Variants in PRDM16 observed in about 807,000 individuals in gnomAD.
The protein encoded by PRDM16 is PR/SET domain 16, also known as histone-lysine N-methyltransferase PRDM16.
A neutral mutation model predicts 110.6 loss-of-function variants in PRDM16; 23 were observed. The ratio of observed to expected loss-of-function variants is 0.21; its 90% CI spans 0.15 to 0.29. The LOEUF is 0.29. Ranked by LOEUF, PRDM16 falls within the 10% of genes least tolerant of loss-of-function variation. The pLI is 1.00. For missense variants in PRDM16, 1,615 were observed against 1,794.3 expected (o/e 0.90, Z 1.81); for synonymous variants, 799 against 781.8 (o/e 1.02, Z -0.37).
At chr1:3,154,757 G>T (rs1299954344) in intron 1 of PRDM16, among the ~76,000 whole-genome samples, 3 of 152,212 alleles carry the variant, frequency 2.0e-5, no homozygotes, top group Admixed American at 2.0e-4. Context: ...CCCCCAGGCC[G>T]TTCTCACTCC....
Position 3,403,089 on chromosome 1 carries a change from C to T in PRDM16, c.884+91C>T, listed in dbSNP as rs571277328. On this transcript the variant is annotated intron_variant, in intron 6 of 16. Coordinates refer to ENST00000270722, the MANE Select transcript of PRDM16 (RefSeq NM_022114.4). ...CCGTGCCCTCCTCTGAGTCTTCCTC[C>T]CCTCCCTTCCCCCGCCTCGCCCCCC... 1.3e-5 allele frequency: 14 copies of T among 1,084,240 alleles called. No homozygotes were observed. The Admixed American group carries it at 3.0e-4, about 24-fold the overall frequency. 67.2% of individuals were successfully genotyped at this position (1,084,240 alleles called of 1,614,324 possible).
In PRDM16 at chr1:3,255,709, T is replaced by C. The variant is rs2455100; in HGVS notation, c.438+11572T>C. Among the ~76,000 whole-genome samples, 148,505 of 152,302 alleles carry C rather than the reference T, an allele frequency of 0.98. 72,488 individuals are homozygous for C. The highest frequency in any genetic ancestry group is 1 in the East Asian group (5,169 of 5,170). Reference sequence around the variant, plus strand: ...GTCCTGACTGCCTGCCCCCCTTGGATGCCAGAGCTATCTGGGAGTTGTGAA... The same window carrying C: ...GTCCTGACTGCCTGCCCCCCTTGGACGCCAGAGCTATCTGGGAGTTGTGAA... On this transcript the variant is annotated intron_variant, in intron 3 of 16. Coordinates refer to ENST00000270722, the MANE Select transcript of PRDM16 (RefSeq NM_022114.4). The surrounding 1 kb of genome is among the most constrained non-coding windows in gnomAD (Gnocchi z 4.7).
rs1214802000 is a variant in PRDM16, at chr1:3,425,873, G to A, written c.3109+123G>A. The A allele has an allele frequency of 8.3e-6, 11 of 1,320,954 alleles. No homozygotes were observed. The Admixed American group carries it at 2.0e-4, about 24-fold the overall frequency. 81.8% of individuals were successfully genotyped at this position (1,320,954 alleles called of 1,614,324 possible). A position where few individuals can be genotyped will look rare whatever the true frequency, so the allele number is the denominator to read the frequency against. On this transcript the variant is annotated intron_variant, in intron 13 of 16. Coordinates refer to ENST00000270722, the MANE Select transcript of PRDM16 (RefSeq NM_022114.4). The surrounding 1 kb of genome is among the most constrained non-coding windows in gnomAD (Gnocchi z 6.9). ...AAGAGGGCCACAGACTACCCCTCAG[G>A]AAGCCAACAGGCACCCCTCAAACCG...
At chr1:3,324,632 C>T (rs1641845037) in intron 3 of PRDM16, among the ~76,000 whole-genome samples, 1 of 151,992 alleles carries the variant, frequency 6.6e-6, no homozygotes, top group East Asian at 1.9e-4. Flanking sequence ...ATGCATGGCC[C>T]CCACCCAAGC....
chr1:3,396,307 G>A (rs1274985810), intron 4 of PRDM16, 184 bp from the exon 5 acceptor site: 1 of 674,774 alleles, frequency 1.5e-6, no homozygotes, highest in Non-Finnish European at 2.7e-6. Flanking sequence ...AAATTAAAAG[G>A]GGACGCAATT....
chr1:3,296,833 C>A (rs1641099449), intron 3 of PRDM16, among the ~76,000 whole-genome samples: 2 of 152,242 alleles, frequency 1.3e-5, no homozygotes, highest in African/African-American at 4.8e-5. Flanking sequence ...TCCCGATAAA[C>A]CCACTGCGAG....
At chr1:3,191,770 A>G (rs1276552999) in intron 2 of PRDM16, among the ~76,000 whole-genome samples, 1 of 152,196 alleles carries the variant, frequency 6.6e-6, no homozygotes, top group Non-Finnish European at 1.5e-5. Flanking sequence ...CAGCCCAGCC[A>G]GGCACCTGGC....
chr1:3,162,464 C>T (rs1243532758), intron 1 of PRDM16, among the ~76,000 whole-genome samples: 1 of 152,212 alleles, frequency 6.6e-6, no homozygotes, highest in Non-Finnish European at 1.5e-5. Flanking sequence ...CCCAAGAGAG[C>T]TGCAGCAGGC....
At chr1:3,397,734 C>T (rs1643407440) in intron 5 of PRDM16, among the ~76,000 whole-genome samples, 1 of 152,218 alleles carries the variant, frequency 6.6e-6, no homozygotes, top group Admixed American at 6.5e-5. Flanking sequence ...TTCAAACACA[C>T]CAAGGCTTAG....
At chr1:3,247,932 G>A (rs1037204638) in intron 3 of PRDM16, among the ~76,000 whole-genome samples, 1 of 152,238 alleles carries the variant, frequency 6.6e-6, no homozygotes, top group African/African-American at 2.4e-5. Context: ...GGGGCTCCTG[G>A]AGAGCAAACA....
chr1:3,301,538 G>A (rs1180080467), intron 3 of PRDM16, among the ~76,000 whole-genome samples: 1 of 152,174 alleles, frequency 6.6e-6, no homozygotes, highest in East Asian at 1.9e-4. Flanking sequence ...AGACGTCTCG[G>A]TGACCCAGTG....
chr1:3,337,025 GAGTC>G (rs1642173101), intron 3 of PRDM16, among the ~76,000 whole-genome samples: 1 of 151,622 alleles, frequency 6.6e-6, no homozygotes, highest in Admixed American at 6.6e-5. Flanking sequence ...GTGTTGGAGT[GAGTC>G]TGTGTGTGCA....
intron 3 of PRDM16, among the ~76,000 whole-genome samples, chr1:3,322,179 CTGTG>C (rs954250962): frequency 7.4e-5 from 11 of 148,524 alleles, no homozygotes; most frequent in East Asian, 4.1e-4. Flanking sequence ...GCTGTGCACA[CTGTG>C]TGTGTGAGAG....
rs145871573 is a variant in PRDM16 at position 3,095,539 on chromosome 1, C to T, written c.37+26243C>T. The stretch of plus-strand genomic sequence containing the variant: ...CACTGCGTGGTGCCTCATGGGGGGC[C>T]GGGCTCAGCTGCTGGTCCTCCCTAG... On this transcript the variant is annotated intron_variant, in intron 1 of 16. Transcript: ENST00000270722. Among the ~76,000 whole-genome samples the T allele has an allele frequency of 2.4e-3, 365 of 152,228 alleles. 1 individual carries two copies. Among genetic ancestry groups the T allele is most frequent in the African/African-American group, 8.2e-3 (342 of 41,544 alleles).
At chr1:3,126,412 T>C in intron 1 of PRDM16, among the ~76,000 whole-genome samples, 1 of 152,164 alleles carries the variant, frequency 6.6e-6, no homozygotes, top group East Asian at 1.9e-4. Context: ...AGGAGCTGGC[T>C]GCAGGTGCGC....
intron 14 of PRDM16, among the ~76,000 whole-genome samples, chr1:3,430,652 A>C (rs1428606069): frequency 5.3e-5 from 8 of 152,112 alleles, no homozygotes; most frequent in Non-Finnish European, 1.5e-5. Context: ...CACCGCCCCG[A>C]GCGCTTGCCC....
At chr1:3,418,069 G>C (rs1638320075) in intron 11 of PRDM16, 72 bp downstream of exon 11, 1 of 1,321,974 alleles carries the variant, frequency 7.6e-7, no homozygotes, top group African/African-American at 1.5e-5. Flanking sequence ...CTGTGAACCT[G>C]TGCTTCCAGG....
chr1:3,188,464 T>C (rs1204608217), intron 2 of PRDM16, among the ~76,000 whole-genome samples: 1 of 152,226 alleles, frequency 6.6e-6, no homozygotes, highest in East Asian at 1.9e-4. Context: ...CTGTTGACTT[T>C]GTGGTGTGTT....
At chr1:3,371,490 A>C (rs1642908221) in intron 3 of PRDM16, among the ~76,000 whole-genome samples, 2 of 148,654 alleles carry the variant, frequency 1.3e-5, no homozygotes, top group Non-Finnish European at 3.0e-5. Flanking sequence ...CCATCCACCC[A>C]CCCATCCATC....
Sources: gnomAD v4.1 joint callset for allele counts (sites outside exome capture counted in the v4.1 genomes callset) on GRCh38, gnomAD v4.1.1 for gene constraint, Gnocchi (gnomAD v3.1) non-coding constraint, MANE v1.5 for transcripts, NCBI Gene and HGNC (gene_info 2026-07-23, HGNC 2026-07-21) for gene names.